Variants in PDE10A observed in about 807,000 individuals in gnomAD.
PDE10A encodes cAMP and cAMP-inhibited cGMP 3',5'-cyclic phosphodiesterase 10A.
A neutral mutation model predicts 97.7 loss-of-function variants in PDE10A; 39 were observed. The ratio of observed to expected loss-of-function variants is 0.40; its 90% CI spans 0.31 to 0.52. PDE10A has a LOEUF of 0.52. Among genes scored for constraint, PDE10A ranks in the 20% least tolerant of loss-of-function variants. The pLI, the probability that PDE10A is intolerant of heterozygous loss-of-function variation, is 0.56. For synonymous variants in PDE10A, 371 were observed against 376.8 expected, an observed-to-expected ratio of 0.98 and a Z score of 0.18; for missense variants, 731 against 1,047.8, an observed-to-expected ratio of 0.70 and a Z score of 4.17.
At chr6:165,975,232 G>A (rs895224588) in intron 1 of PDE10A, among the ~76,000 whole-genome samples, 1 of 152,176 alleles carries the variant, frequency 6.6e-6, no homozygotes, top group Non-Finnish European at 1.5e-5. Context: ...GGCTATCTGG[G>A]GAGCTCTTCT....
At chr6:165,676,288 C>A (rs1424830360) in intron 1 of PDE10A, among the ~76,000 whole-genome samples, 1 of 152,112 alleles carries the variant, frequency 6.6e-6, no homozygotes, top group Non-Finnish European at 1.5e-5. Flanking sequence ...ACAATATACA[C>A]GATTTGGGCA....
intron 1 of PDE10A, among the ~76,000 whole-genome samples, chr6:165,706,086 C>G (rs1006790645): frequency 3.3e-5 from 5 of 152,174 alleles, no homozygotes; most frequent in African/African-American, 1.2e-4. Flanking sequence ...CAGGAACATG[C>G]AGAGGGAGTG....
chr6:165,791,453 A>G (rs1015727225), intron 1 of PDE10A, among the ~76,000 whole-genome samples: 4 of 152,120 alleles, frequency 2.6e-5, no homozygotes, highest in African/African-American at 9.7e-5. Context: ...TTGTCTCTGC[A>G]TCTTGGCTAT....
At chr6:165,364,344 G>A (rs1387628305) in intron 18 of PDE10A, among the ~76,000 whole-genome samples, 4 of 152,138 alleles carry the variant, frequency 2.6e-5, no homozygotes, top group Admixed American at 6.5e-5. Flanking sequence ...GTGGCAGCTA[G>A]AAGATGGCTC....
intron 2 of PDE10A, among the ~76,000 whole-genome samples, chr6:165,490,565 T>G (rs1016657397): frequency 1.3e-5 from 2 of 152,062 alleles, no homozygotes; most frequent in African/African-American, 4.8e-5. Context: ...AGGTATTAAA[T>G]AAATAGCAGG....
Position 165,806,002 on chromosome 6 carries a change from G to A in PDE10A, c.-615+181527C>T, listed in dbSNP as rs141541108. 5.2e-3 allele frequency among the ~76,000 whole-genome samples: 705 copies of A among 134,530 alleles called. 9 individuals carry two copies. The highest frequency in any genetic ancestry group is 0.026 in the South Asian group (105 of 4,060). The allele number at this position is 134,530 out of a possible 152,430, so 88.3% of individuals were successfully genotyped here. A position where few individuals can be genotyped will look rare whatever the true frequency, so the allele number is the denominator to read the frequency against. ...CTGCTTCCTCAGTCCCTGCTTTGTA[G>A]GCAAAGTCCTGGCAAAATGATTTGT... On this transcript the variant is annotated intron_variant, in intron 1 of 19. Transcript: ENST00000366882.
intron 1 of PDE10A, among the ~76,000 whole-genome samples, chr6:165,687,393 C>A (rs187152791): frequency 6.6e-6 from 1 of 152,188 alleles, no homozygotes; most frequent in Admixed American, 6.5e-5. Context: ...GTATGCCAGT[C>A]GGGTAAGAAC....
At chr6:165,644,789 C>T (rs957857838) in intron 1 of PDE10A, among the ~76,000 whole-genome samples, 4 of 152,224 alleles carry the variant, frequency 2.6e-5, no homozygotes, top group Non-Finnish European at 5.9e-5. Context: ...ACTTTGTCAG[C>T]CCTGCTGTCT....
intron 1 of PDE10A, among the ~76,000 whole-genome samples, chr6:165,791,947 C>T (rs1583096156): frequency 6.6e-6 from 1 of 152,184 alleles, no homozygotes; most frequent in African/African-American, 2.4e-5. Context: ...AACACACATA[C>T]AAGACTCTCA....
chr6:165,398,075 C>T (rs1583194348), intron 13 of PDE10A, among the ~76,000 whole-genome samples: 1 of 152,202 alleles, frequency 6.6e-6, no homozygotes, highest in East Asian at 1.9e-4. Flanking sequence ...TGTTATTAAT[C>T]ATCAAATGCT....
At chr6:165,593,063 T>A (rs1366686418) in intron 1 of PDE10A, among the ~76,000 whole-genome samples, 1 of 152,130 alleles carries the variant, frequency 6.6e-6, no homozygotes, top group Admixed American at 6.5e-5. Flanking sequence ...TGTCCATCAA[T>A]GATAGACTGG....
intron 1 of PDE10A, among the ~76,000 whole-genome samples, chr6:165,565,999 A>G (rs1454610089): frequency 6.6e-6 from 1 of 152,198 alleles, no homozygotes; most frequent in African/African-American, 2.4e-5. Flanking sequence ...ACATAGGAGA[A>G]AATATAGATG....
In PDE10A at chr6:165,900,986, G is replaced by A. The variant is rs1045547793; in HGVS notation, c.-615+86543C>T. ...AGCGAAAGGCCCAGTTGTAGGTCAC[G>A]GTCATGTGCACAGCCAATAATAGGA... On this transcript the variant is annotated intron_variant, in intron 1 of 19. Transcript: ENST00000366882. Among the ~76,000 whole-genome samples the A allele has an allele frequency of 2.6e-5, 4 of 152,290 alleles. No individual in the cohort carries two copies. In the South Asian group the frequency reaches 6.2e-4, roughly 24 times the overall value.
chr6:165,946,498 T>TAAAAAAAAAAAA (rs57063900), intron 1 of PDE10A, among the ~76,000 whole-genome samples: 2 of 128,538 alleles, frequency 1.6e-5, no homozygotes, highest in Non-Finnish European at 3.5e-5. Flanking sequence ...TATCTCAAAA[T>TAAAAAAAAAAAA]AAAAAAAAAA....
rs1300426488 is a variant in PDE10A, at chr6:165,357,615, A to T, written c.2784-14113T>A. 2.0e-5 allele frequency among the ~76,000 whole-genome samples: 3 copies of T among 152,092 alleles called. No homozygotes were observed. The South Asian group carries it at 6.2e-4, about 32-fold the overall frequency. On this transcript the variant is annotated intron_variant, in intron 18 of 21. Transcript: ENST00000539869. ...GTATAGTAAGCTGGATTTCTCAAAA[A>T]ATTTATCCGGTTCATCTAAGTTTCA...
chr6:165,760,314 G>A (rs767896362), intron 1 of PDE10A, among the ~76,000 whole-genome samples: 1 of 152,058 alleles, frequency 6.6e-6, no homozygotes, highest in African/African-American at 2.4e-5. Flanking sequence ...AACCTCTCCC[G>A]CCGGCTCCTG....
intron 1 of PDE10A, among the ~76,000 whole-genome samples, chr6:165,736,501 C>T (rs1394666677): frequency 3.3e-5 from 5 of 152,174 alleles, no homozygotes; most frequent in South Asian, 2.1e-4. Flanking sequence ...GCGCCAGGCT[C>T]ATGCCACTGA....
chr6:165,679,490 A>T (rs1311037032), intron 1 of PDE10A, among the ~76,000 whole-genome samples: 1 of 152,152 alleles, frequency 6.6e-6, no homozygotes, highest in African/African-American at 2.4e-5. Flanking sequence ...CCAGCCCTTG[A>T]GGAGGTGTGG....
At chr6:165,432,449 C>T (rs1339691727) in intron 7 of PDE10A, among the ~76,000 whole-genome samples, 1 of 152,078 alleles carries the variant, frequency 6.6e-6, no homozygotes, top group Non-Finnish European at 1.5e-5. Context: ...GGTGGGGTCG[C>T]AGGAGATGGG....
Sources: allele counts gnomAD v4.1 joint callset (sites outside exome capture counted in the v4.1 genomes callset), GRCh38; gene constraint gnomAD v4.1.1; transcripts MANE v1.5; gene names NCBI Gene and HGNC (gene_info 2026-07-23, HGNC 2026-07-21).